The following JARID2 variants were observed in gnomAD, a reference collection of about 807,000 sequenced individuals.
JARID2 encodes the protein protein Jumonji.
In JARID2, 21 loss-of-function variants were observed where a neutral mutation model predicts 125.6. That is an observed-to-expected ratio of 0.17 (90% confidence interval 0.12 to 0.24). JARID2 has a LOEUF of 0.24. Ranked by LOEUF, JARID2 falls within the 10% of genes least tolerant of loss-of-function variation. The probability of loss-of-function intolerance (pLI) is 1.00; values close to 1 mark genes in which losing one functional copy is unlikely to be tolerated. For missense variants in JARID2, 1,303 were observed against 1,639.6 expected, an observed-to-expected ratio of 0.79 and a Z score of 3.55; for synonymous variants, 736 against 661.6, an observed-to-expected ratio of 1.11 and a Z score of -1.73.
chr6:15,340,768 G>A (rs561444655), intron 1 of JARID2, among the ~76,000 whole-genome samples: 21 of 152,126 alleles, frequency 1.4e-4, no homozygotes, highest in Non-Finnish European at 1.9e-4. Context: ...AATGTGTCTC[G>A]TTCCTCTTTA....
At chr6:15,288,195 G>A (rs1318259199) in intron 1 of JARID2, among the ~76,000 whole-genome samples, 1 of 152,060 alleles carries the variant, frequency 6.6e-6, no homozygotes, top group East Asian at 1.9e-4. Flanking sequence ...TTAGTTTGCA[G>A]GCTGTACACA....
chr6:15,488,738 A>G (rs544478612), intron 6 of JARID2, among the ~76,000 whole-genome samples: 12 of 152,254 alleles, frequency 7.9e-5, no homozygotes, highest in Non-Finnish European at 1.0e-4. Context: ...TTACCTAGCA[A>G]ATAGTATGCA....
chr6:15,403,617 C>T (rs1367119483), intron 2 of JARID2, among the ~76,000 whole-genome samples: 1 of 152,168 alleles, frequency 6.6e-6, no homozygotes, highest in Admixed American at 6.5e-5. Context: ...TTTTCCTTAT[C>T]TACCCAGTGA....
chr6:15,416,045 A>G (rs1312317981), intron 3 of JARID2, among the ~76,000 whole-genome samples: 1 of 149,358 alleles, frequency 6.7e-6, no homozygotes, highest in African/African-American at 2.5e-5. Context: ...CTCACATCCC[A>G]GACGGGGCGG....
intron 1 of JARID2, among the ~76,000 whole-genome samples, chr6:15,303,090 C>T (rs1004298698): frequency 2.0e-5 from 3 of 152,090 alleles, no homozygotes; most frequent in African/African-American, 7.2e-5. Context: ...TGAGTAAATT[C>T]GAAGTTATGC....
intron 1 of JARID2, among the ~76,000 whole-genome samples, chr6:15,364,041 A>G (rs2127498940): frequency 6.6e-6 from 1 of 152,372 alleles, no homozygotes. Flanking sequence ...GTGGTTTGTA[A>G]TATAACATGA....
intron 2 of JARID2, among the ~76,000 whole-genome samples, chr6:15,398,132 G>T (rs920366302): frequency 6.6e-6 from 1 of 151,996 alleles, no homozygotes; most frequent in Non-Finnish European, 1.5e-5. Context: ...ATATGTTTAT[G>T]TTATAATATT....
chr6:15,315,256 T>G (rs1229498982), intron 1 of JARID2, among the ~76,000 whole-genome samples: 2 of 152,246 alleles, frequency 1.3e-5, no homozygotes, highest in Admixed American at 6.5e-5. Flanking sequence ...AGACATGTTT[T>G]TATTGCAAAC....
chr6:15,315,861 A>G (rs774544590), intron 1 of JARID2, among the ~76,000 whole-genome samples: 5 of 152,176 alleles, frequency 3.3e-5, no homozygotes, highest in Non-Finnish European at 7.3e-5. Context: ...TTCATTAGTG[A>G]TTTCAGACAT....
At chr6:15,448,865 C>T (rs1767789320) in intron 3 of JARID2, among the ~76,000 whole-genome samples, 1 of 151,946 alleles carries the variant, frequency 6.6e-6, no homozygotes, top group Non-Finnish European at 1.5e-5. Context: ...GAAACCTCTG[C>T]AGTTTGATGG....
intron 3 of JARID2, among the ~76,000 whole-genome samples, chr6:15,419,919 C>T (rs1418384390): frequency 6.6e-6 from 1 of 152,140 alleles, no homozygotes; most frequent in East Asian, 1.9e-4. Context: ...AAAATTAGAG[C>T]CATTATTATT....
intron 6 of JARID2, among the ~76,000 whole-genome samples, chr6:15,495,240 C>T (rs578016527): frequency 2.0e-5 from 3 of 152,276 alleles, no homozygotes; most frequent in East Asian, 3.9e-4. Context: ...TTTTCGCTGA[C>T]GTTTGTGTGT....
At chr6:15,380,766 A>G (rs1018852000) in intron 2 of JARID2, among the ~76,000 whole-genome samples, 1 of 152,200 alleles carries the variant, frequency 6.6e-6, no homozygotes, top group African/African-American at 2.4e-5. Flanking sequence ...GTGGAATGAA[A>G]TGTGGGCCCG....
intron 2 of JARID2, among the ~76,000 whole-genome samples, chr6:15,392,043 T>G (rs112910956): frequency 2.3e-3 from 101 of 43,970 alleles, no homozygotes; most frequent in Non-Finnish European, 5.0e-3. Flanking sequence ...CAGAGTGGTG[T>G]GTGTGTGTGT....
rs138397286 is a variant in JARID2 at position 15,452,632 on chromosome 6, A to G, written c.493+457A>G. Among the ~76,000 whole-genome samples the G allele has an allele frequency of 4.6e-5, 7 of 152,296 alleles. No homozygotes were observed. The East Asian group carries it at 1.4e-3, about 29-fold the overall frequency. On this transcript the variant is annotated intron_variant, in intron 4 of 17. Coordinates refer to ENST00000341776, the MANE Select transcript of JARID2 (RefSeq NM_004973.4). ...GGACTTACGGTTCTCTCAGCCCTATATTACGTTAAGGAAAACAGTACTGGT... is the reference window on the plus strand; with the variant it reads ...GGACTTACGGTTCTCTCAGCCCTATGTTACGTTAAGGAAAACAGTACTGGT...
intron 1 of JARID2, among the ~76,000 whole-genome samples, chr6:15,358,439 G>A (rs1009760782): frequency 2.6e-5 from 4 of 152,168 alleles, no homozygotes; most frequent in Non-Finnish European, 5.9e-5. Context: ...CACTGTTTTT[G>A]TGTTGTTGGT....
intron 1 of JARID2, among the ~76,000 whole-genome samples, chr6:15,347,678 TTGG>T (rs1340811116): frequency 1.3e-5 from 2 of 152,210 alleles, no homozygotes; most frequent in African/African-American, 4.8e-5. Flanking sequence ...TTTGTGTATG[TTGG>T]TGGTGATGGC....
In JARID2 at chr6:15,482,710, T is replaced by TAC. The variant is rs1162132228; in HGVS notation, c.671-4597_671-4596insAC. On this transcript the variant is annotated intron_variant, in intron 5 of 17. Coordinates refer to ENST00000341776, the MANE Select transcript of JARID2 (RefSeq NM_004973.4). ...CATGGGAAACGGTCTTTGTAGATGA[T>TAC]TTCAGTACTTGATAGGATAGTAGGC... 2.8e-3 allele frequency among the ~76,000 whole-genome samples: 422 copies of TAC among 152,344 alleles called. 3 individuals carry two copies. Among genetic ancestry groups the TAC allele is most frequent in the African/African-American group, 9.7e-3 (402 of 41,578 alleles).
At chr6:15,490,603 A>G (rs888768491) in intron 6 of JARID2, among the ~76,000 whole-genome samples, 2 of 152,256 alleles carry the variant, frequency 1.3e-5, no homozygotes, top group African/African-American at 4.8e-5. Flanking sequence ...TGGAATGCAC[A>G]TGCCTGTATA....
Sources: gnomAD v4.1 joint callset for allele counts (sites outside exome capture counted in the v4.1 genomes callset) on GRCh38, gnomAD v4.1.1 for gene constraint, MANE v1.5 for transcripts, NCBI Gene and HGNC (gene_info 2026-07-23, HGNC 2026-07-21) for gene names.